Variants in PLCB4 observed in about 807,000 individuals in gnomAD.
PLCB4 encodes 1-phosphatidylinositol 4,5-bisphosphate phosphodiesterase beta-4.
PLCB4 carries 77 observed loss-of-function variants against 178.8 expected under a neutral mutation model. The ratio of observed to expected loss-of-function variants is 0.43; its 90% CI spans 0.36 to 0.52. The LOEUF is 0.52. Ranked by LOEUF, PLCB4 falls within the 20% of genes least tolerant of loss-of-function variation. The pLI is 0.00. For synonymous variants in PLCB4, 496 were observed against 490.8 expected (o/e 1.01, Z -0.14); for missense variants, 1,024 against 1,453.4 (o/e 0.70, Z 4.80).
intron 3 of PLCB4, among the ~76,000 whole-genome samples, chr20:9,296,454 T>A (rs2094636218): frequency 6.6e-6 from 1 of 152,176 alleles, no homozygotes; most frequent in Admixed American, 6.5e-5. Context: ...GTGTGGCGAT[T>A]CCTCAGGGAT....
intron 3 of PLCB4, among the ~76,000 whole-genome samples, chr20:9,244,195 A>G (rs1361387743): frequency 6.6e-6 from 1 of 152,186 alleles, no homozygotes; most frequent in Non-Finnish European, 1.5e-5. Flanking sequence ...CTCTACTCAG[A>G]TGAACTTTCC....
chr20:9,130,235 A>G (rs545929935), intron 2 of PLCB4, among the ~76,000 whole-genome samples: 6 of 152,234 alleles, frequency 3.9e-5, no homozygotes, highest in Non-Finnish European at 7.4e-5. Context: ...TAGTTTAAGT[A>G]TTTACACACC....
chr20:9,286,772 G>A (rs2094540088), intron 3 of PLCB4, among the ~76,000 whole-genome samples: 1 of 151,994 alleles, frequency 6.6e-6, no homozygotes, highest in Admixed American at 6.6e-5. Flanking sequence ...ACTAATGAAC[G>A]AAAGAGTCCT....
Position 9,447,965 on chromosome 20 carries a change from A to T in PLCB4, c.2880+3722A>T, listed in dbSNP as rs189645541. On this transcript the variant is annotated intron_variant, in intron 32 of 39. Coordinates refer to ENST00000378473, the MANE Select transcript of PLCB4 (RefSeq NM_001377142.1). Reference sequence around the variant, plus strand: ...TTTTCAACATAAGGTCATTGGGCCAAGAGCTGGAGGCTTTACAAAAATATG... The same window carrying T: ...TTTTCAACATAAGGTCATTGGGCCATGAGCTGGAGGCTTTACAAAAATATG... Among the ~76,000 whole-genome samples, 3 of 152,376 alleles carry T rather than the reference A, an allele frequency of 2.0e-5. No homozygotes were observed. The East Asian group carries it at 5.8e-4, about 29-fold the overall frequency.
intron 1 of PLCB4, among the ~76,000 whole-genome samples, chr20:9,078,819 C>A (rs2090004996): frequency 6.6e-6 from 1 of 152,092 alleles, no homozygotes; most frequent in African/African-American, 2.4e-5. Context: ...TACCACATTC[C>A]TTGAAAGACT....
At chr20:9,342,277 G>A (rs6086846) in intron 7 of PLCB4, among the ~76,000 whole-genome samples, 7,552 of 152,144 alleles carry the variant, frequency 0.05, 261 homozygotes, top group Non-Finnish European at 0.075. Context: ...ACCTCAGTTC[G>A]AAATGATGGC....
intron 2 of PLCB4, among the ~76,000 whole-genome samples, chr20:9,143,852 C>T (rs1449063169): frequency 6.6e-6 from 1 of 152,064 alleles, no homozygotes; most frequent in Non-Finnish European, 1.5e-5. Flanking sequence ...GCTATGGCTT[C>T]ATAGTATCAG....
In PLCB4 at chr20:9,263,335, C is replaced by T. The variant is rs1008039705; in HGVS notation, c.-15-44465C>T. ...AAAATTGACCACTACCCTATGATAT[C>T]TTAGCAGGTCTGGGACAGGGGACAT... On this transcript the variant is annotated intron_variant, in intron 3 of 39. Transcript: ENST00000378473. 2.4e-4 allele frequency among the ~76,000 whole-genome samples: 37 copies of T among 152,156 alleles called. 1 individual carries two copies. Among genetic ancestry groups the T allele is most frequent in the Non-Finnish European group, 4.3e-4 (29 of 68,032 alleles).
chr20:9,415,472 G>A (rs1333801126), intron 25 of PLCB4, among the ~76,000 whole-genome samples: 1 of 152,168 alleles, frequency 6.6e-6, no homozygotes, highest in African/African-American at 2.4e-5. Flanking sequence ...TGATGAAATA[G>A]GATGCATTTC....
chr20:9,337,022 C>A, intron 4 of PLCB4, 104 bp from the exon 5 acceptor site: 1 of 762,584 alleles, frequency 1.3e-6, no homozygotes, highest in Non-Finnish European at 2.4e-6. Context: ...ATATTACATA[C>A]AAAAGAGTGA....
chr20:9,227,159 G>T (rs1257164150), intron 3 of PLCB4, among the ~76,000 whole-genome samples: 3 of 149,426 alleles, frequency 2.0e-5, no homozygotes, highest in Non-Finnish European at 4.4e-5. Context: ...TTTTGATGTT[G>T]TTGAATTCAT....
At chr20:9,089,441 A>G (rs2090579776) in intron 1 of PLCB4, among the ~76,000 whole-genome samples, 1 of 152,098 alleles carries the variant, frequency 6.6e-6, no homozygotes, top group African/African-American at 2.4e-5. Context: ...TCTAATTATA[A>G]TAGGTGGTAA....
At chr20:9,158,907 A>G (rs2092836849) in intron 2 of PLCB4, among the ~76,000 whole-genome samples, 1 of 152,198 alleles carries the variant, frequency 6.6e-6, no homozygotes, top group South Asian at 2.1e-4. Context: ...TAAATCATCT[A>G]AAATCACCTT....
At chr20:9,127,300 G>A (rs2092141036) in intron 2 of PLCB4, among the ~76,000 whole-genome samples, 1 of 152,028 alleles carries the variant, frequency 6.6e-6, no homozygotes, top group African/African-American at 2.4e-5. Flanking sequence ...TTGGTTCAAG[G>A]AACACGCCTC....
chr20:9,147,148 A>T (rs540463415), intron 2 of PLCB4, among the ~76,000 whole-genome samples: 1 of 152,278 alleles, frequency 6.6e-6, no homozygotes, highest in Admixed American at 6.5e-5. Flanking sequence ...CGATTAGGGA[A>T]TCATACTTGG....
At chr20:9,265,175 G>A (rs572276232) in intron 3 of PLCB4, among the ~76,000 whole-genome samples, 3 of 152,200 alleles carry the variant, frequency 2.0e-5, no homozygotes, top group South Asian at 4.1e-4. Context: ...TGATTGAGGT[G>A]TACTTGAAAA....
intron 19 of PLCB4, among the ~76,000 whole-genome samples, chr20:9,400,377 GA>G (rs1306245353): frequency 6.6e-6 from 1 of 152,136 alleles, no homozygotes; most frequent in Non-Finnish European, 1.5e-5. Context: ...TGCAATATCA[GA>G]AATATTAAAT....
chr20:9,211,003 G>T (rs758109126), intron 2 of PLCB4, among the ~76,000 whole-genome samples: 7 of 152,184 alleles, frequency 4.6e-5, no homozygotes, highest in Non-Finnish European at 1.0e-4. Context: ...GGTGAAACTT[G>T]TTTCTAAGAT....
chr20:9,325,758 A>G (rs1041108668), intron 4 of PLCB4, among the ~76,000 whole-genome samples: 6 of 152,294 alleles, frequency 3.9e-5, no homozygotes, highest in African/African-American at 1.4e-4. Flanking sequence ...TAATCTGGGC[A>G]TTTCATTTCT....
Sources: gnomAD v4.1 joint callset for allele counts (sites outside exome capture counted in the v4.1 genomes callset) on GRCh38, gnomAD v4.1.1 for gene constraint, MANE v1.5 for transcripts, NCBI Gene and HGNC (gene_info 2026-07-23, HGNC 2026-07-21) for gene names.